The following ARHGAP24 variants were observed in gnomAD, a reference collection of about 807,000 sequenced individuals.
The protein encoded by ARHGAP24 is rho GTPase-activating protein 24.
ARHGAP24 carries 50 observed loss-of-function variants against 76.4 expected under a neutral mutation model. The ratio of observed to expected loss-of-function variants is 0.65; its 90% confidence interval spans 0.52 to 0.83. The LOEUF is 0.83. Among genes scored for constraint, ARHGAP24 ranks in the 40% least tolerant of loss-of-function variants. The pLI is 0.00. For missense variants in ARHGAP24, 930 were observed against 914.2 expected, an observed-to-expected ratio of 1.02 and a Z score of -0.22; for synonymous variants, 345 against 323.3, an observed-to-expected ratio of 1.07 and a Z score of -0.72.
chr4:85,595,291 G>T (rs993247629), intron 2 of ARHGAP24, among the ~76,000 whole-genome samples: 1 of 152,032 alleles, frequency 6.6e-6, no homozygotes, highest in Non-Finnish European at 1.5e-5. Flanking sequence ...AGTATCTCTT[G>T]GCAGACCAAG....
At chr4:85,900,938 A>G (rs1734459067) in intron 3 of ARHGAP24, among the ~76,000 whole-genome samples, 1 of 152,228 alleles carries the variant, frequency 6.6e-6, no homozygotes, top group Non-Finnish European at 1.5e-5. Context: ...CGTCATGGCC[A>G]CACAACTGAT....
chr4:85,840,017 C>CTTTTTTTTTTT (rs70948759), intron 3 of ARHGAP24, among the ~76,000 whole-genome samples: 51 of 116,042 alleles, frequency 4.4e-4, no homozygotes, highest in African/African-American at 8.4e-4. Context: ...GCCTGGCTAA[C>CTTTTTTTTTTT]TTTTTTTTTT....
chr4:85,718,280 C>T (rs1312427063), intron 2 of ARHGAP24, among the ~76,000 whole-genome samples: 1 of 152,072 alleles, frequency 6.6e-6, no homozygotes, highest in African/African-American at 2.4e-5. Context: ...ATGTAGATGA[C>T]TACACTTGGC....
chr4:85,869,922 C>T (rs1163242718), intron 3 of ARHGAP24, among the ~76,000 whole-genome samples: 1 of 152,144 alleles, frequency 6.6e-6, no homozygotes, highest in Non-Finnish European at 1.5e-5. Context: ...ATCCACACTG[C>T]CTCAATTTGA....
At chr4:85,721,463 A>C (rs1166691129) in intron 2 of ARHGAP24, among the ~76,000 whole-genome samples, 2 of 152,050 alleles carry the variant, frequency 1.3e-5, no homozygotes, top group East Asian at 1.9e-4. Flanking sequence ...GAGAGAAGAG[A>C]TAATCAAGAG....
intron 2 of ARHGAP24, among the ~76,000 whole-genome samples, chr4:85,590,238 C>A (rs1728036042): frequency 8.1e-6 from 1 of 123,236 alleles, no homozygotes. Context: ...TCCTTCCTTC[C>A]TTCCTCCCAC....
rs147172411 is a variant in ARHGAP24 at position 85,844,325 on chromosome 4, C to T, written c.269-79323C>T. On this transcript the variant is annotated intron_variant, in intron 3 of 9. Transcript: ENST00000395184. ...CTGGCTGAACTGTTCGTTACAGCAT[C>T]TCTAGCACACAGCTCTGTAGCCTAC... Among the ~76,000 whole-genome samples, 887 of 152,330 alleles carry T rather than the reference C, an allele frequency of 5.8e-3. 11 individuals carry two copies. The highest frequency in any genetic ancestry group is 0.02 in the African/African-American group (840 of 41,564).
intron 2 of ARHGAP24, among the ~76,000 whole-genome samples, chr4:85,587,140 T>C (rs1477300184): frequency 1.3e-5 from 2 of 152,344 alleles, no homozygotes; most frequent in South Asian, 2.1e-4. Context: ...ATGTTACTTT[T>C]ATGTAGTCAA....
At chr4:85,797,297 C>T (rs1256021789) in intron 3 of ARHGAP24, among the ~76,000 whole-genome samples, 1 of 152,008 alleles carries the variant, frequency 6.6e-6, no homozygotes, top group East Asian at 1.9e-4. Flanking sequence ...CTCAGCCTCC[C>T]CAGCAGCTGG....
At chr4:85,999,288 A>T (rs576307155) in intron 9 of ARHGAP24, among the ~76,000 whole-genome samples, 3 of 152,326 alleles carry the variant, frequency 2.0e-5, no homozygotes, top group East Asian at 3.9e-4. Context: ...CCAACTTTTC[A>T]TGTAAAAATG....
At chr4:85,825,007 T>C (rs527878289) in intron 3 of ARHGAP24, among the ~76,000 whole-genome samples, 48 of 152,112 alleles carry the variant, frequency 3.2e-4, no homozygotes, top group Middle Eastern at 3.4e-3. Context: ...AGAGAATCAC[T>C]TGAACCTGGG....
chr4:85,694,746 CA>C (rs886879630), intron 2 of ARHGAP24, among the ~76,000 whole-genome samples: 17 of 152,172 alleles, frequency 1.1e-4, no homozygotes, highest in Admixed American at 5.9e-4. Context: ...TGTGTTTTCT[CA>C]GGTTAAGTTT....
chr4:85,829,703 C>T (rs1242557348), intron 3 of ARHGAP24, among the ~76,000 whole-genome samples: 1 of 152,168 alleles, frequency 6.6e-6, no homozygotes, highest in Non-Finnish European at 1.5e-5. Context: ...ATCACCATGA[C>T]TGAAAAGATG....
intron 1 of ARHGAP24, among the ~76,000 whole-genome samples, chr4:85,539,803 C>T (rs1365525517): frequency 6.6e-6 from 1 of 152,094 alleles, no homozygotes; most frequent in African/African-American, 2.4e-5. Context: ...TTTAAAATGA[C>T]CTTCACTTTG....
chr4:85,921,862 A>T (rs1456691692), intron 3 of ARHGAP24, among the ~76,000 whole-genome samples: 1 of 151,984 alleles, frequency 6.6e-6, no homozygotes, highest in Admixed American at 6.6e-5. Context: ...ATGATAGTTG[A>T]ACTAACGCCT....
intron 3 of ARHGAP24, among the ~76,000 whole-genome samples, chr4:85,825,941 A>G (rs940501134): frequency 6.6e-6 from 1 of 152,230 alleles, no homozygotes; most frequent in Non-Finnish European, 1.5e-5. Flanking sequence ...TTGTAATTCT[A>G]ACTTCACCAT....
chr4:85,522,702 A>G (rs1724831442), intron 1 of ARHGAP24, among the ~76,000 whole-genome samples: 1 of 152,176 alleles, frequency 6.6e-6, no homozygotes, highest in Non-Finnish European at 1.5e-5. Flanking sequence ...ATCATGTTTT[A>G]TATTTCATAA....
intron 2 of ARHGAP24, among the ~76,000 whole-genome samples, chr4:85,609,063 G>A (rs1720299357): frequency 6.6e-6 from 1 of 151,708 alleles, no homozygotes; most frequent in Non-Finnish European, 1.5e-5. Flanking sequence ...AGCAAAGGAT[G>A]GTTGTGATGA....
At chr4:85,626,151 G>T (rs1720945567) in intron 2 of ARHGAP24, among the ~76,000 whole-genome samples, 1 of 152,204 alleles carries the variant, frequency 6.6e-6, no homozygotes, top group African/African-American at 2.4e-5. Context: ...AGTTGATGCA[G>T]TTTCTTCCTA....
Sources: allele counts gnomAD v4.1 joint callset (sites outside exome capture counted in the v4.1 genomes callset), GRCh38; gene constraint gnomAD v4.1.1; transcripts MANE v1.5; gene names NCBI Gene and HGNC (gene_info 2026-07-23, HGNC 2026-07-21).